DPYD: variants seen among roughly 807,000 people sequenced by gnomAD.
DPYD encodes the protein dihydropyrimidine dehydrogenase.
In DPYD, 109 loss-of-function variants were observed where a neutral mutation model predicts 116.2. The observed-to-expected ratio is 0.94, with a 90% CI of 0.80 to 1.10. The LOEUF (loss-of-function observed/expected upper bound fraction) is 1.10. Among genes scored for constraint, DPYD ranks in the 50% least tolerant of loss-of-function variants. The pLI is 0.00. For synonymous variants in DPYD, 440 were observed against 432.0 expected (o/e 1.02, Z -0.23); for missense variants, 1,302 against 1,254.5 (o/e 1.04, Z -0.57).
chr1:97,340,596 A>G (rs893540785), intron 16 of DPYD, among the ~76,000 whole-genome samples: 2 of 152,176 alleles, frequency 1.3e-5, no homozygotes, highest in Non-Finnish European at 2.9e-5. Context: ...GGATCCCTTC[A>G]GCCCAGGAAG....
intron 18 of DPYD, among the ~76,000 whole-genome samples, chr1:97,279,309 A>T (rs915651239): frequency 3.3e-5 from 5 of 152,126 alleles, no homozygotes; most frequent in African/African-American, 1.2e-4. Context: ...AAAAAAGAAC[A>T]TTCAACATGT....
intron 8 of DPYD, among the ~76,000 whole-genome samples, chr1:97,655,385 G>T (rs1324300256): frequency 2.0e-5 from 3 of 152,126 alleles, no homozygotes; most frequent in Non-Finnish European, 4.4e-5. Flanking sequence ...CTCCTACTCT[G>T]TTAAGCCTCA....
At chr1:97,883,997 T>C (rs554707929) in intron 1 of DPYD, 3 of 295,438 alleles carry the variant, frequency 1.0e-5, no homozygotes, top group Admixed American at 5.0e-5. Context: ...TGAGAAGATA[T>C]ACTTGTCTTA....
At chr1:97,850,039 CA>C (rs1670496948) in intron 2 of DPYD, among the ~76,000 whole-genome samples, 1 of 151,996 alleles carries the variant, frequency 6.6e-6, no homozygotes. Context: ...GATAAACAAA[CA>C]CAAGCAATGG....
chr1:97,120,843 T>C (rs538366193), intron 20 of DPYD, among the ~76,000 whole-genome samples: 2 of 152,312 alleles, frequency 1.3e-5, no homozygotes, highest in East Asian at 1.9e-4. Context: ...ACCACAGTGT[T>C]AGTTAGCTTT....
intron 3 of DPYD, among the ~76,000 whole-genome samples, chr1:97,802,468 A>T (rs1488278377): frequency 6.6e-6 from 1 of 151,836 alleles, no homozygotes; most frequent in African/African-American, 2.4e-5. Context: ...TGCAGTAGGA[A>T]CTTTGGACTT....
chr1:97,341,475 C>T (rs1230529977), intron 16 of DPYD, among the ~76,000 whole-genome samples: 2 of 152,126 alleles, frequency 1.3e-5, no homozygotes, highest in Admixed American at 1.3e-4. Flanking sequence ...ACAGGATATA[C>T]ATAGGAACCC....
At chr1:97,457,505 C>A (rs1017128164) in intron 13 of DPYD, among the ~76,000 whole-genome samples, 6 of 151,916 alleles carry the variant, frequency 3.9e-5, no homozygotes, top group African/African-American at 1.5e-4. Flanking sequence ...GTTTTTTGAC[C>A]TTCTCATCTG....
At chr1:97,206,095 G>C (rs1031356218) in intron 19 of DPYD, among the ~76,000 whole-genome samples, 12 of 151,732 alleles carry the variant, frequency 7.9e-5, no homozygotes, top group Admixed American at 6.6e-4. Context: ...GATGCATAGG[G>C]CAAGGTATGA....
At chr1:97,196,995 G>T (rs1431187651) in intron 19 of DPYD, among the ~76,000 whole-genome samples, 1 of 152,148 alleles carries the variant, frequency 6.6e-6, no homozygotes, top group African/African-American at 2.4e-5. Flanking sequence ...TACAGTATGA[G>T]TAAGAATAGT....
intron 16 of DPYD, among the ~76,000 whole-genome samples, chr1:97,315,488 C>T (rs1247129908): frequency 6.6e-6 from 1 of 151,944 alleles, no homozygotes; most frequent in Non-Finnish European, 1.5e-5. Context: ...CTTTCACAAG[C>T]ATTTCTCTCC....
intron 2 of DPYD, among the ~76,000 whole-genome samples, chr1:97,864,440 T>C (rs1671272056): frequency 1.3e-5 from 2 of 151,910 alleles, no homozygotes; most frequent in South Asian, 4.1e-4. Flanking sequence ...GAGATGACTC[T>C]AGGCCACTAA....
chr1:97,205,630 T>C (rs1365128090), intron 19 of DPYD, among the ~76,000 whole-genome samples: 1 of 152,144 alleles, frequency 6.6e-6, no homozygotes, highest in African/African-American at 2.4e-5. Context: ...AATTCCTTAG[T>C]GTAATCTGAT....
chr1:97,678,435 A>G (rs1005444296), intron 8 of DPYD, among the ~76,000 whole-genome samples: 1 of 152,150 alleles, frequency 6.6e-6, no homozygotes, highest in African/African-American at 2.4e-5. Context: ...AGTACAAATC[A>G]TATCAGAGAA....
chr1:97,161,980 A>G (rs1655944118), intron 20 of DPYD, among the ~76,000 whole-genome samples: 2 of 151,880 alleles, frequency 1.3e-5, no homozygotes, highest in East Asian at 1.9e-4. Context: ...ATTGTTGGAC[A>G]TTTGGGTTGG....
intron 19 of DPYD, among the ~76,000 whole-genome samples, chr1:97,200,308 A>G (rs1659114479): frequency 6.6e-6 from 1 of 152,190 alleles, no homozygotes; most frequent in South Asian, 2.1e-4. Flanking sequence ...TATGCTTACA[A>G]TTTAAGTCTA....
chr1:97,083,644 A>G (rs1311704396), intron 21 of DPYD, among the ~76,000 whole-genome samples: 1 of 152,096 alleles, frequency 6.6e-6, no homozygotes, highest in Non-Finnish European at 1.5e-5. Flanking sequence ...TGACATCCAA[A>G]TCAATATTTC....
Position 97,456,083 on chromosome 1 carries a change from A to G in DPYD, c.1741-5860T>C, listed in dbSNP as rs148643814. On this transcript the variant is annotated intron_variant, in intron 13 of 22. Transcript: ENST00000370192. ...ATAGCACAAATCTGTCACATATATC[A>G]GTCTTTTCAAATTATCATGACCTAT... Among the ~76,000 whole-genome samples the G allele has an allele frequency of 3.3e-5, 5 of 152,008 alleles. No individual in the cohort carries two copies. The East Asian group carries it at 9.6e-4, about 29-fold the overall frequency.
chr1:97,463,289 T>C (rs778147265), intron 13 of DPYD, among the ~76,000 whole-genome samples: 9 of 152,196 alleles, frequency 5.9e-5, no homozygotes, highest in Admixed American at 1.3e-4. Context: ...AGAGATCTGA[T>C]GGTTTTATAA....
Sources: gnomAD v4.1 joint callset for allele counts (sites outside exome capture counted in the v4.1 genomes callset) on GRCh38, gnomAD v4.1.1 for gene constraint, MANE v1.5 for transcripts, NCBI Gene and HGNC (gene_info 2026-07-23, HGNC 2026-07-21) for gene names.